Variants in FUT9 observed in about 807,000 individuals in gnomAD.
FUT9 encodes 4-galactosyl-N-acetylglucosaminide 3-alpha-L-fucosyltransferase 9.
FUT9 carries 15 observed loss-of-function variants against 29.7 expected under a neutral mutation model. The ratio of observed to expected loss-of-function variants is 0.51; its 90% CI spans 0.34 to 0.78. The LOEUF is 0.78. FUT9 is among the 30% of genes least tolerant of loss of function. FUT9 has a pLI of 0.01. For missense variants in FUT9, 319 were observed against 425.4 expected (o/e 0.75, Z 2.20); for synonymous variants, 169 against 153.7 (o/e 1.10, Z -0.74).
intron 1 of FUT9, among the ~76,000 whole-genome samples, chr6:96,054,789 G>A (rs759910875): frequency 3.3e-5 from 5 of 151,954 alleles, no homozygotes; most frequent in African/African-American, 1.2e-4. Context: ...GAAAGAGCGA[G>A]AAAAAAATAG....
In FUT9 at chr6:96,165,804, C is replaced by T. The variant is rs554975151; in HGVS notation, c.-8-37344C>T. Among the ~76,000 whole-genome samples the T allele has an allele frequency of 3.9e-5, 6 of 152,054 alleles. No individual in the cohort carries two copies. In the East Asian group the frequency reaches 5.9e-4, roughly 15 times the overall value. Reference sequence around the variant, plus strand: ...TTAATTTTTGTATTTTTAGTCGAGACGGAGTTTTGCCATGTTGCCCAGGCT... The same window carrying T: ...TTAATTTTTGTATTTTTAGTCGAGATGGAGTTTTGCCATGTTGCCCAGGCT... On this transcript the variant is annotated intron_variant, in intron 2 of 2. Transcript: ENST00000302103.
intron 1 of FUT9, among the ~76,000 whole-genome samples, chr6:96,056,454 C>G (rs1016956030): frequency 6.6e-6 from 1 of 152,208 alleles, no homozygotes; most frequent in Non-Finnish European, 1.5e-5. Flanking sequence ...GTAACTTATA[C>G]TAGACTGCTC....
chr6:96,061,180 A>C (rs1163035786), intron 1 of FUT9, among the ~76,000 whole-genome samples: 1 of 151,038 alleles, frequency 6.6e-6, no homozygotes, highest in African/African-American at 2.4e-5. Flanking sequence ...CATGAATTTT[A>C]ATCGACTTTA....
In FUT9 at chr6:96,214,562, T is replaced by C. The variant is rs12215829; in HGVS notation, c.*10327T>C. 23,386 of 166,804 alleles carry C rather than the reference T, an allele frequency of 0.14. 1,853 individuals carry two copies. The highest frequency in any genetic ancestry group is 0.18 in the Non-Finnish European group (12,321 of 67,996). The allele number at this position is 166,804 out of a possible 1,614,324, so 10.3% of individuals were successfully genotyped here. ...CAGTCTTTGAAAATAACAAAAATTA[T>C]TCCATTTAATGAAGGGTTTGTTTTG... On this transcript the variant is annotated 3_prime_UTR_variant, in exon 3 of 3. Coordinates refer to ENST00000302103, the MANE Select transcript of FUT9 (RefSeq NM_006581.4).
chr6:96,137,000 T>G (rs1255536188), intron 2 of FUT9, among the ~76,000 whole-genome samples: 2 of 151,962 alleles, frequency 1.3e-5, no homozygotes, highest in East Asian at 3.9e-4. Flanking sequence ...TAGACAGAAT[T>G]TATAAATCTT....
chr6:96,146,206 A>G (rs1772564544), intron 2 of FUT9, among the ~76,000 whole-genome samples: 1 of 152,064 alleles, frequency 6.6e-6, no homozygotes. Flanking sequence ...GATCTACCTT[A>G]TTTTATCAGA....
intron 1 of FUT9, among the ~76,000 whole-genome samples, chr6:96,076,522 G>T (rs996876930): frequency 6.6e-6 from 1 of 151,960 alleles, no homozygotes; most frequent in Non-Finnish European, 1.5e-5. Flanking sequence ...TTAGCATTTC[G>T]CCATGTGAGA....
chr6:96,050,507 C>A (rs757758625), intron 1 of FUT9, among the ~76,000 whole-genome samples: 1 of 152,202 alleles, frequency 6.6e-6, no homozygotes, highest in Non-Finnish European at 1.5e-5. Flanking sequence ...CCTCTCAATT[C>A]ATTACCAACT....
chr6:96,038,708 G>A (rs923475706), intron 1 of FUT9, among the ~76,000 whole-genome samples: 19 of 152,186 alleles, frequency 1.2e-4, no homozygotes, highest in Middle Eastern at 3.4e-3. Context: ...ATTGATATCA[G>A]GATAGTGTTT....
chr6:96,190,934 G>A (rs2127988644), intron 2 of FUT9, among the ~76,000 whole-genome samples: 1 of 152,118 alleles, frequency 6.6e-6, no homozygotes, highest in East Asian at 1.9e-4. Context: ...GTCCAGCTTT[G>A]TTCTCTCGCT....
chr6:96,068,182 T>G (rs1425020912), intron 1 of FUT9, among the ~76,000 whole-genome samples: 1 of 152,140 alleles, frequency 6.6e-6, no homozygotes, highest in Non-Finnish European at 1.5e-5. Context: ...AGCTAGTGTA[T>G]ATATTTGGAA....
At position 96,208,520 on chromosome 6, in the gene FUT9, G is replaced by A. The variant is rs1773876198; in HGVS notation, c.*4285G>A. The A allele has an allele frequency of 6.0e-6, 1 of 166,734 alleles. No individual in the cohort carries two copies. The highest frequency in any genetic ancestry group is 2.4e-5 in the African/African-American group (1 of 41,406). 10.3% of individuals were successfully genotyped at this position (166,734 alleles called of 1,614,324 possible). On this transcript the variant is annotated 3_prime_UTR_variant, in exon 3 of 3. Coordinates refer to ENST00000302103, the MANE Select transcript of FUT9 (RefSeq NM_006581.4). Reference sequence around the variant, plus strand: ...GAATAAATACATGAATGTGATAAGTGGTCCTGTAAAATATTTTTTAAGAGT... The same window carrying A: ...GAATAAATACATGAATGTGATAAGTAGTCCTGTAAAATATTTTTTAAGAGT...
At chr6:96,030,845 A>T (rs1308675974) in intron 1 of FUT9, among the ~76,000 whole-genome samples, 39 of 151,540 alleles carry the variant, frequency 2.6e-4, no homozygotes, top group Non-Finnish European at 4.4e-5. Flanking sequence ...AAAAGGCTAC[A>T]TGCTGCACAA....
At chr6:96,018,760 T>C (rs571688720) in intron 1 of FUT9, among the ~76,000 whole-genome samples, 2 of 152,162 alleles carry the variant, frequency 1.3e-5, no homozygotes, top group African/African-American at 4.8e-5. Context: ...TGTGAAACCA[T>C]GTTTTGCCTT....
intron 1 of FUT9, among the ~76,000 whole-genome samples, chr6:96,040,086 G>T (rs1179040668): frequency 6.6e-6 from 1 of 151,992 alleles, no homozygotes; most frequent in African/African-American, 2.4e-5. Context: ...TGTGACCTAT[G>T]ACATTATATA....
intron 1 of FUT9, among the ~76,000 whole-genome samples, chr6:96,087,872 A>G (rs1771344846): frequency 6.6e-6 from 1 of 152,168 alleles, no homozygotes. Context: ...CACAAGGATC[A>G]TTTCTTCTGA....
chr6:96,204,261 T>G lies in FUT9; in HGVS notation c.*26T>G. 1 of 1,392,084 alleles carries G rather than the reference T, an allele frequency of 7.2e-7. No homozygotes were observed. Among genetic ancestry groups the G allele is most frequent in the Non-Finnish European group, 9.5e-7 (1 of 1,056,196 alleles). The allele number at this position is 1,392,084 out of a possible 1,614,324, so 86.2% of individuals were successfully genotyped here. On this transcript the variant is annotated 3_prime_UTR_variant, in exon 3 of 3. Coordinates refer to ENST00000302103, the MANE Select transcript of FUT9 (RefSeq NM_006581.4). ...AATTTTTCATCACTTGCACACTTGA[T>G]AAATATTTTGATGAGATATCATCCA...
intron 2 of FUT9, among the ~76,000 whole-genome samples, chr6:96,133,339 A>G (rs1772282608): frequency 6.6e-6 from 1 of 151,982 alleles, no homozygotes; most frequent in Admixed American, 6.6e-5. Flanking sequence ...CACTTACATC[A>G]CTGAAAGCAG....
intron 2 of FUT9, among the ~76,000 whole-genome samples, chr6:96,198,687 C>T (rs1041973150): frequency 6.6e-6 from 1 of 152,166 alleles, no homozygotes; most frequent in African/African-American, 2.4e-5. Context: ...CCTGAGGAAT[C>T]GCCACACTGA....
Sources: gnomAD v4.1 joint callset for allele counts (sites outside exome capture counted in the v4.1 genomes callset) on GRCh38, gnomAD v4.1.1 for gene constraint, MANE v1.5 for transcripts, NCBI Gene and HGNC (gene_info 2026-07-23, HGNC 2026-07-21) for gene names.